TMEM132B: variants seen among roughly 807,000 people sequenced by gnomAD.
The protein encoded by TMEM132B is transmembrane protein 132B.
TMEM132B carries 18 observed loss-of-function variants against 90.8 expected under a neutral mutation model. The observed-to-expected ratio is 0.20, with a 90% CI of 0.14 to 0.29. The LOEUF (loss-of-function observed/expected upper bound fraction) is 0.29, where lower values mean the gene tolerates loss of function less well. TMEM132B is among the 10% of genes least tolerant of loss of function. The pLI is 1.00. For missense variants in TMEM132B, 1,096 were observed against 1,326.8 expected (o/e 0.83, Z 2.70); for synonymous variants, 504 against 523.3 (o/e 0.96, Z 0.50).
rs369960340 is a variant in TMEM132B at position 125,595,591 on chromosome 12, C to T, written c.1437+11597C>T. ...TCTGCTATCAAAAAAAGGCAAAAATCGCAATTACGTTTGCACCAACCAATG... is the reference window on the plus strand; with the variant it reads ...TCTGCTATCAAAAAAAGGCAAAAATTGCAATTACGTTTGCACCAACCAATG... On this transcript the variant is annotated intron_variant, in intron 5 of 8. Transcript: ENST00000682704. Among the ~76,000 whole-genome samples the T allele has an allele frequency of 5.9e-5, 9 of 152,280 alleles. No individual in the cohort carries two copies. In the South Asian group the frequency reaches 8.3e-4, roughly 14 times the overall value.
rs1288002302 is a variant in TMEM132B, at chr12:125,420,121, C to T, written c.1106+4444C>T. ...TTTCCAGGCACACAGTGCAAGCCGT[C>T]AGTGGATCTAACATTCTGGGGTCAG... On this transcript the variant is annotated intron_variant, in intron 3 of 8. Transcript: ENST00000682704. 3.3e-5 allele frequency among the ~76,000 whole-genome samples: 5 copies of T among 152,224 alleles called. No individual in the cohort carries two copies. In the East Asian group the frequency reaches 5.8e-4, roughly 18 times the overall value.
chr12:125,271,481 T>C (rs867989070), intron 1 of TMEM132B, among the ~76,000 whole-genome samples: 26 of 152,324 alleles, frequency 1.7e-4, no homozygotes, highest in African/African-American at 5.8e-4. Flanking sequence ...CCCTTGGTAT[T>C]TGTAGCACTC....
At chr12:125,491,712 C>T (rs1882357123) in intron 3 of TMEM132B, among the ~76,000 whole-genome samples, 1 of 152,164 alleles carries the variant, frequency 6.6e-6, no homozygotes, top group Non-Finnish European at 1.5e-5. Flanking sequence ...GAGCTTGGTC[C>T]ATTAGTCAAG....
intron 4 of TMEM132B, among the ~76,000 whole-genome samples, chr12:125,532,050 A>G (rs529431906): frequency 1.3e-5 from 2 of 152,356 alleles, no homozygotes; most frequent in South Asian, 2.1e-4. Context: ...CATTAAAAAC[A>G]TAACAATATT....
At chr12:125,414,801 G>A (rs190923782) in intron 2 of TMEM132B, among the ~76,000 whole-genome samples, 2 of 152,310 alleles carry the variant, frequency 1.3e-5, no homozygotes, top group African/African-American at 4.8e-5. Flanking sequence ...GATGTTGTCC[G>A]TGGACTCCCC....
intron 1 of TMEM132B, among the ~76,000 whole-genome samples, chr12:125,310,712 GA>G (rs1193881771): frequency 6.6e-6 from 1 of 152,200 alleles, no homozygotes; most frequent in Non-Finnish European, 1.5e-5. Context: ...GCCACGCAGA[GA>G]AACACTTTGA....
chr12:125,575,079 T>A (rs1040178400), intron 4 of TMEM132B, among the ~76,000 whole-genome samples: 10 of 111,668 alleles, frequency 9.0e-5, no homozygotes, highest in Non-Finnish European at 1.9e-4. Flanking sequence ...TATATATATA[T>A]ATATTCAGGA....
chr12:125,250,673 C>T (rs185721406), intron 1 of TMEM132B, among the ~76,000 whole-genome samples: 2 of 152,172 alleles, frequency 1.3e-5, no homozygotes, highest in African/African-American at 4.8e-5. Flanking sequence ...CCTTGGCTCT[C>T]TCTGGGTTCC....
At chr12:125,248,467 T>C (rs1245046913) in intron 1 of TMEM132B, among the ~76,000 whole-genome samples, 1 of 152,250 alleles carries the variant, frequency 6.6e-6, no homozygotes, top group Admixed American at 6.5e-5. Context: ...TGCATTGCCA[T>C]TGGTTTTTTA....
chr12:125,394,373 G>A, intron 2 of TMEM132B, among the ~76,000 whole-genome samples: 1 of 152,162 alleles, frequency 6.6e-6, no homozygotes, highest in East Asian at 1.9e-4. Flanking sequence ...CGACAGCTTG[G>A]GATTTTGAGC....
At chr12:125,538,083 C>T (rs141447837) in intron 4 of TMEM132B, among the ~76,000 whole-genome samples, 191 of 152,300 alleles carry the variant, frequency 1.3e-3, no homozygotes, top group African/African-American at 4.5e-3. Flanking sequence ...CGCTGTGCTT[C>T]GGCAGCTGAA....
intron 4 of TMEM132B, among the ~76,000 whole-genome samples, chr12:125,537,891 A>G (rs897089217): frequency 6.6e-6 from 1 of 152,118 alleles, no homozygotes; most frequent in Non-Finnish European, 1.5e-5. Flanking sequence ...CCCCACTTGC[A>G]ACATGGGGAT....
chr12:125,233,530 G>A (rs1395248173), intron 1 of TMEM132B, among the ~76,000 whole-genome samples: 1 of 152,232 alleles, frequency 6.6e-6, no homozygotes, highest in Non-Finnish European at 1.5e-5. Context: ...TTGACCAGAA[G>A]TCAATGACTC....
chr12:125,604,924 T>G (rs1472941984), intron 5 of TMEM132B, among the ~76,000 whole-genome samples: 1 of 152,216 alleles, frequency 6.6e-6, no homozygotes, highest in African/African-American at 2.4e-5. Flanking sequence ...CCAGAGAATT[T>G]CAAGCCATCT....
chr12:125,648,662 A>G (rs1886830565), intron 6 of TMEM132B, among the ~76,000 whole-genome samples: 1 of 151,990 alleles, frequency 6.6e-6, no homozygotes, highest in African/African-American at 2.4e-5. Flanking sequence ...TTGTTTCATT[A>G]CTACAGGATT....
intron 1 of TMEM132B, among the ~76,000 whole-genome samples, chr12:125,269,847 T>G (rs1205077825): frequency 6.6e-6 from 1 of 152,142 alleles, no homozygotes; most frequent in African/African-American, 2.4e-5. Flanking sequence ...TTCCAGTTCC[T>G]TCCAGCTCAC....
At chr12:125,475,490 G>A (rs186947338) in intron 3 of TMEM132B, among the ~76,000 whole-genome samples, 2 of 152,284 alleles carry the variant, frequency 1.3e-5, no homozygotes, top group Admixed American at 6.5e-5. Flanking sequence ...GGCAGACCCA[G>A]CCTTAATCTG....
chr12:125,607,926 A>G (rs2136936075), intron 5 of TMEM132B, among the ~76,000 whole-genome samples: 1 of 152,342 alleles, frequency 6.6e-6, no homozygotes, highest in Admixed American at 6.5e-5. Context: ...CACAGTAGCA[A>G]GTATCAGTTT....
intron 1 of TMEM132B, among the ~76,000 whole-genome samples, chr12:125,337,489 A>C (rs917538253): frequency 4.6e-5 from 7 of 152,104 alleles, no homozygotes; most frequent in African/African-American, 1.7e-4. Context: ...TTTTGGCTTT[A>C]ATGTGATATG....
Sources: allele counts gnomAD v4.1 joint callset (sites outside exome capture counted in the v4.1 genomes callset), GRCh38; gene constraint gnomAD v4.1.1; transcripts MANE v1.5; gene names NCBI Gene and HGNC (gene_info 2026-07-23, HGNC 2026-07-21).